The following TSPAN9 variants were observed in gnomAD, a reference collection of about 807,000 sequenced individuals.
The protein encoded by TSPAN9 is tetraspanin-9.
In TSPAN9, 16 loss-of-function variants were observed where a neutral mutation model predicts 31.0. The ratio of observed to expected loss-of-function variants is 0.52; its 90% CI spans 0.35 to 0.78. TSPAN9 has a LOEUF of 0.78. Among genes scored for constraint, TSPAN9 ranks in the 30% least tolerant of loss-of-function variants. The pLI, the probability that TSPAN9 is intolerant of heterozygous loss-of-function variation, is 0.01. For synonymous variants in TSPAN9, 145 were observed against 121.6 expected (o/e 1.19, Z -1.27); for missense variants, 272 against 312.5 (o/e 0.87, Z 0.98).
chr12:3,234,128 A>G (rs559041374), intron 3 of TSPAN9, among the ~76,000 whole-genome samples: 27 of 152,318 alleles, frequency 1.8e-4, no homozygotes, highest in African/African-American at 6.3e-4. Flanking sequence ...GCCTATAAAA[A>G]AGATGAAATA....
intron 2 of TSPAN9, among the ~76,000 whole-genome samples, chr12:3,110,092 G>A (rs527828336): frequency 1.3e-4 from 20 of 149,856 alleles, no homozygotes; most frequent in African/African-American, 4.0e-4. Flanking sequence ...AGCCAGGTAA[G>A]TGTCCCTCCT....
At chr12:3,136,495 A>G (rs188604838) in intron 2 of TSPAN9, among the ~76,000 whole-genome samples, 3 of 152,276 alleles carry the variant, frequency 2.0e-5, no homozygotes, top group Admixed American at 1.3e-4. Context: ...TGAGGCTCAG[A>G]GAAGTGAAGG....
Position 3,278,932 on chromosome 12 carries a change from C to G in TSPAN9, c.256-60C>G, listed in dbSNP as rs113161862. 4.9e-5 allele frequency: 77 copies of G among 1,569,742 alleles called. No homozygotes were observed. The African/African-American group carries it at 9.0e-4, about 18-fold the overall frequency. ...CGCCGCCTGTCCCTGCCTTCCACAC[C>G]CTCCTTGTCCTCAGCCCTGCCCATT... On this transcript the variant is annotated intron_variant, in intron 4 of 8. Coordinates refer to ENST00000011898, the MANE Select transcript of TSPAN9 (RefSeq NM_006675.5).
chr12:3,201,875 T>G (rs1261838827), intron 3 of TSPAN9, among the ~76,000 whole-genome samples: 1 of 151,456 alleles, frequency 6.6e-6, no homozygotes, highest in Non-Finnish European at 1.5e-5. Context: ...AAAGGAGGGG[T>G]GTGGGGGCAT....
At chr12:3,095,121 C>T (rs1438780155) in intron 2 of TSPAN9, among the ~76,000 whole-genome samples, 3 of 98,442 alleles carry the variant, frequency 3.0e-5, no homozygotes, top group Non-Finnish European at 6.3e-5. Flanking sequence ...GCACATCTTG[C>T]ACCGCCCTTA....
At position 3,226,734 on chromosome 12, in the gene TSPAN9, GTGTGTGTGTGTATATATATATATATATA is replaced by G. The variant is rs2098387574; in HGVS notation, c.63+25480_63+25507del. 2.7e-3 allele frequency among the ~76,000 whole-genome samples: 39 copies of G among 14,298 alleles called. 2 individuals are homozygous for G. The highest frequency in any genetic ancestry group is 8.5e-3 in the African/African-American group (35 of 4,110). 9.4% of individuals were successfully genotyped at this position (14,298 alleles called of 152,430 possible). A position where few individuals can be genotyped will look rare whatever the true frequency, so the allele number is the denominator to read the frequency against. ...TGTGTATGTATGTGTGTGTGTGTGT[GTGTGTGTGTGTATATATATATATATATA>G]TATATATATATATATATATATATAT... On this transcript the variant is annotated intron_variant, in intron 3 of 8. Coordinates refer to ENST00000011898, the MANE Select transcript of TSPAN9 (RefSeq NM_006675.5).
rs1217317988 is a variant in TSPAN9, at chr12:3,192,747, A to G, written c.-17-8430A>G. Reference sequence around the variant, plus strand: ...TGGAACGGAGGAGATGGTCATATAGAGGAAAGTTGGGCAGAAGAGAAGAGG... The same window carrying G: ...TGGAACGGAGGAGATGGTCATATAGGGGAAAGTTGGGCAGAAGAGAAGAGG... On this transcript the variant is annotated intron_variant, in intron 2 of 8. Transcript: ENST00000011898. This position sits in a 1 kb window ranked among gnomAD's most constrained non-coding sequence, Gnocchi z 4.6. Among the ~76,000 whole-genome samples the G allele has an allele frequency of 1.3e-5, 2 of 152,104 alleles. No individual in the cohort carries two copies. The highest frequency in any genetic ancestry group is 4.8e-5 in the African/African-American group (2 of 41,406).
intron 2 of TSPAN9, among the ~76,000 whole-genome samples, chr12:3,159,921 G>T (rs1022585462): frequency 2.0e-5 from 3 of 152,134 alleles, no homozygotes; most frequent in African/African-American, 7.2e-5. Context: ...TGGTACTTTG[G>T]TTATGGCAGT....
chr12:3,108,124 A>T (rs1181374183), intron 2 of TSPAN9, among the ~76,000 whole-genome samples: 2 of 152,172 alleles, frequency 1.3e-5, no homozygotes, highest in Non-Finnish European at 2.9e-5. Context: ...TGCTGAAGGT[A>T]TTGAAAGGAA....
chr12:3,090,608 A>G (rs2098303797), intron 2 of TSPAN9, among the ~76,000 whole-genome samples: 1 of 152,250 alleles, frequency 6.6e-6, no homozygotes, highest in African/African-American at 2.4e-5. Flanking sequence ...TGCTGGTAAC[A>G]GCAAGTCATG....
At chr12:3,096,237 G>A (rs1375191498) in intron 2 of TSPAN9, among the ~76,000 whole-genome samples, 3 of 152,234 alleles carry the variant, frequency 2.0e-5, no homozygotes, top group Non-Finnish European at 4.4e-5. Context: ...ACCCAGTGCT[G>A]TAGGGACTGG....
At chr12:3,253,989 T>C (rs1174128774) in intron 3 of TSPAN9, among the ~76,000 whole-genome samples, 2 of 151,568 alleles carry the variant, frequency 1.3e-5, no homozygotes, top group Non-Finnish European at 2.9e-5. Context: ...AGCAGGGGAG[T>C]GGAGGGATAA....
At chr12:3,096,934 G>T (rs986069530) in intron 2 of TSPAN9, among the ~76,000 whole-genome samples, 1 of 152,110 alleles carries the variant, frequency 6.6e-6, no homozygotes, top group Admixed American at 6.5e-5. Context: ...TTCTCACCTC[G>T]TGATCTGCCT....
At chr12:3,272,570 A>C (rs573102434) in intron 3 of TSPAN9, among the ~76,000 whole-genome samples, 1 of 150,424 alleles carries the variant, frequency 6.6e-6, no homozygotes, top group African/African-American at 2.5e-5. Context: ...GTGTGTGTTT[A>C]GTGAGGGTAG....
At chr12:3,258,918 A>G (rs1862400245) in intron 3 of TSPAN9, among the ~76,000 whole-genome samples, 1 of 152,172 alleles carries the variant, frequency 6.6e-6, no homozygotes, top group Admixed American at 6.5e-5. Flanking sequence ...TGGGATCCTG[A>G]GATGAGATGG....
At chr12:3,126,454 A>G (rs995662831) in intron 2 of TSPAN9, among the ~76,000 whole-genome samples, 1 of 152,214 alleles carries the variant, frequency 6.6e-6, no homozygotes, top group Non-Finnish European at 1.5e-5. Flanking sequence ...TTGTGTGTCT[A>G]TACGCTGGAG....
At chr12:3,246,323 A>G (rs1044021473) in intron 3 of TSPAN9, among the ~76,000 whole-genome samples, 4 of 152,060 alleles carry the variant, frequency 2.6e-5, no homozygotes, top group African/African-American at 7.2e-5. Flanking sequence ...TTACAATTCA[A>G]TATGAATTGG....
chr12:3,174,573 ATTTTAT>A (rs1222601437), intron 2 of TSPAN9, among the ~76,000 whole-genome samples: 1 of 151,962 alleles, frequency 6.6e-6, no homozygotes, highest in Non-Finnish European at 1.5e-5. Flanking sequence ...GCTTTTTTAA[ATTTTAT>A]TTTTATTTAT....
At chr12:3,218,116 GGT>G (rs2098382315) in intron 3 of TSPAN9, among the ~76,000 whole-genome samples, 1 of 152,092 alleles carries the variant, frequency 6.6e-6, no homozygotes, top group South Asian at 2.1e-4. Flanking sequence ...ACAGATTTTG[GGT>G]GTGCATGCCT....
Sources: gnomAD v4.1 joint callset for allele counts (sites outside exome capture counted in the v4.1 genomes callset) on GRCh38, gnomAD v4.1.1 for gene constraint, Gnocchi (gnomAD v3.1) non-coding constraint, MANE v1.5 for transcripts, NCBI Gene and HGNC (gene_info 2026-07-23, HGNC 2026-07-21) for gene names.